SLC44A5: variants seen among roughly 807,000 people sequenced by gnomAD.
SLC44A5 encodes choline transporter-like protein 5.
In SLC44A5, 57 loss-of-function variants were observed where a neutral mutation model predicts 101.8. That is an observed-to-expected ratio of 0.56 (90% CI 0.45 to 0.70). The LOEUF (loss-of-function observed/expected upper bound fraction) is 0.70. SLC44A5 is among the 30% of genes least tolerant of loss of function. The pLI is 0.00. For missense variants in SLC44A5, 737 were observed against 853.1 expected (o/e 0.86, Z 1.70); for synonymous variants, 281 against 290.9 (o/e 0.97, Z 0.35).
chr1:75,434,150 G>A (rs1254213283), intron 2 of SLC44A5, among the ~76,000 whole-genome samples: 3 of 152,006 alleles, frequency 2.0e-5, no homozygotes, highest in Admixed American at 6.6e-5. Context: ...TCTCACCTTA[G>A]CCGAATAACA....
At chr1:75,292,549 T>C (rs1409895198) in intron 5 of SLC44A5, among the ~76,000 whole-genome samples, 10 of 152,224 alleles carry the variant, frequency 6.6e-5, no homozygotes, top group Admixed American at 6.5e-4. Flanking sequence ...CTCCCCTTTT[T>C]AGTCTATACA....
At chr1:75,615,911 A>AC, upstream of SLC44A5, 1 of 979,852 alleles carries the variant, frequency 1.0e-6, no homozygotes, top group Non-Finnish European at 1.2e-6. Context: ...CCTCCCCCGG[A>AC]CCCCCCACGC....
chr1:75,501,662 T>C (rs1170626188), intron 2 of SLC44A5, among the ~76,000 whole-genome samples: 1 of 152,186 alleles, frequency 6.6e-6, no homozygotes, highest in Non-Finnish European at 1.5e-5. Context: ...GGAGAGTTTA[T>C]GTTGGTTTTG....
chr1:75,304,414 T>C (rs1654754668), intron 4 of SLC44A5, among the ~76,000 whole-genome samples: 1 of 152,166 alleles, frequency 6.6e-6, no homozygotes, highest in South Asian at 2.1e-4. Flanking sequence ...TCTAAAAATA[T>C]AATTAGTGCT....
At chr1:75,616,674 C>G in the SLC44A5 span, among the ~76,000 whole-genome samples, 3 of 152,296 alleles carry the variant, frequency 2.0e-5, no homozygotes, top group Admixed American at 6.5e-5. Context: ...CTGCCCCTCC[C>G]GAACCGAGAA....
At chr1:75,297,983 A>C (rs989254686) in intron 5 of SLC44A5, among the ~76,000 whole-genome samples, 2 of 152,004 alleles carry the variant, frequency 1.3e-5, no homozygotes, top group Admixed American at 6.6e-5. Flanking sequence ...ACAACAACAA[A>C]AATGTCTCTT....
Position 75,431,322 on chromosome 1 carries a change from C to T in SLC44A5, c.14-34701G>A, listed in dbSNP as rs543454928. 7.2e-5 allele frequency among the ~76,000 whole-genome samples: 11 copies of T among 152,238 alleles called. No individual in the cohort carries two copies. The South Asian group carries it at 1.5e-3, about 20-fold the overall frequency. On this transcript the variant is annotated intron_variant, in intron 2 of 23. Transcript: ENST00000370859. Reference sequence around the variant, plus strand: ...ATAAACCCTCAGTGGTTCCCCTCCCCGCAAGCTATCATGATTACTATTCAG... The same window carrying T: ...ATAAACCCTCAGTGGTTCCCCTCCCTGCAAGCTATCATGATTACTATTCAG...
chr1:75,513,061 T>C (rs1301105283), intron 2 of SLC44A5, among the ~76,000 whole-genome samples: 2 of 152,210 alleles, frequency 1.3e-5, no homozygotes, highest in African/African-American at 2.4e-5. Context: ...TGAGATAAAA[T>C]ACTTGCTCAA....
chr1:75,623,386 G>A, the SLC44A5 span, among the ~76,000 whole-genome samples: 1 of 152,082 alleles, frequency 6.6e-6, no homozygotes, highest in Admixed American at 6.6e-5. Context: ...AAAACAGCAT[G>A]CTGAAAGGCC....
intron 2 of SLC44A5, among the ~76,000 whole-genome samples, chr1:75,489,181 C>T (rs561530194): frequency 2.1e-4 from 32 of 152,108 alleles, no homozygotes; most frequent in Non-Finnish European, 4.3e-4. Context: ...AATAAAAGTA[C>T]CCTTTCCTTA....
At chr1:75,626,507 C>T in the SLC44A5 span, among the ~76,000 whole-genome samples, 49,126 of 151,958 alleles carry the variant, frequency 0.32, 8,090 homozygotes, top group Non-Finnish European at 0.36. Flanking sequence ...TTGCTCTTGC[C>T]GTTGTTCTCT....
Position 75,515,881 on chromosome 1 carries a change from G to GTT in SLC44A5, c.13+25552_13+25553dup, listed in dbSNP as rs758550743. Among the ~76,000 whole-genome samples the GTT allele has an allele frequency of 2.0e-4, 29 of 146,064 alleles. No individual in the cohort carries two copies. In the South Asian group the frequency reaches 5.9e-3, roughly 30 times the overall value. ...TACATTCCCATCACAGTGTACAAGG[G>GTT]TTTTTTTTTTTCCCCATCCTTGCCA... On this transcript the variant is annotated intron_variant, in intron 2 of 23. Transcript: ENST00000370859.
chr1:75,471,763 T>C (rs938811877), intron 2 of SLC44A5, among the ~76,000 whole-genome samples: 1 of 152,098 alleles, frequency 6.6e-6, no homozygotes, highest in African/African-American at 2.4e-5. Flanking sequence ...TAGTTTCTTA[T>C]GGGCATTTAC....
intron 6 of SLC44A5, among the ~76,000 whole-genome samples, chr1:75,272,086 T>C (rs1651525420): frequency 6.6e-6 from 1 of 152,124 alleles, no homozygotes; most frequent in Non-Finnish European, 1.5e-5. Context: ...CATTTTTTCA[T>C]ATGTTTGTTG....
At chr1:75,679,155 T>C in the SLC44A5 span, among the ~76,000 whole-genome samples, 1 of 152,078 alleles carries the variant, frequency 6.6e-6, no homozygotes, top group African/African-American at 2.4e-5. Context: ...CTGAAAGTGA[T>C]GGGGAGAACG....
chr1:75,260,104 G>A (rs1650362789), intron 6 of SLC44A5, among the ~76,000 whole-genome samples: 1 of 152,134 alleles, frequency 6.6e-6, no homozygotes, highest in Admixed American at 6.5e-5. Context: ...TCGATGCTAG[G>A]AAGAAACTGC....
chr1:75,641,464 AC>A, the SLC44A5 span: 1 of 1,394,754 alleles, frequency 7.2e-7, no homozygotes, highest in Non-Finnish European at 1.0e-6. Flanking sequence ...AGAGTCTTTG[AC>A]TTCCACTGCC....
chr1:75,276,040 T>C (rs906255815), intron 5 of SLC44A5, among the ~76,000 whole-genome samples: 1 of 152,314 alleles, frequency 6.6e-6, no homozygotes, highest in South Asian at 2.1e-4. Context: ...AAATCAATTC[T>C]GTATGAGAAT....
Position 75,376,466 on chromosome 1 carries a change from C to T in SLC44A5, c.52+20117G>A, listed in dbSNP as rs528915565. Reference sequence around the variant, plus strand: ...GACAGCTTTGAAGAGAGCAGTGGTTCTCCCAGCACGCAGCTGGAGATCTGA... The same window carrying T: ...GACAGCTTTGAAGAGAGCAGTGGTTTTCCCAGCACGCAGCTGGAGATCTGA... On this transcript the variant is annotated intron_variant, in intron 3 of 23. Transcript: ENST00000370859. 4.7e-3 allele frequency among the ~76,000 whole-genome samples: 710 copies of T among 152,334 alleles called. 6 individuals are homozygous for T. The highest frequency in any genetic ancestry group is 0.016 in the African/African-American group (680 of 41,574).
Sources: allele counts gnomAD v4.1 joint callset (sites outside exome capture counted in the v4.1 genomes callset), GRCh38; gene constraint gnomAD v4.1.1; transcripts MANE v1.5; gene names NCBI Gene and HGNC (gene_info 2026-07-23, HGNC 2026-07-21).